Variants in POFUT3 observed in about 807,000 individuals in gnomAD.
POFUT3 encodes protein O-fucosyltransferase 3, also known as GDP-fucose protein O-fucosyltransferase 3.
the POFUT3 span, among the ~76,000 whole-genome samples, chr8:33,437,453 C>G: frequency 1.3e-5 from 2 of 151,566 alleles, no homozygotes; most frequent in African/African-American, 2.4e-5. Context: ...AAAAAAAAAC[C>G]ATATAAATGC....
the POFUT3 span, among the ~76,000 whole-genome samples, chr8:33,377,130 G>A: frequency 6.6e-6 from 1 of 152,020 alleles, no homozygotes; most frequent in Admixed American, 6.6e-5. Context: ...TACTCAGGAG[G>A]CTGAGGCAGG....
chr8:33,362,132 G>T, the POFUT3 span, among the ~76,000 whole-genome samples: 1 of 152,124 alleles, frequency 6.6e-6, no homozygotes, highest in African/African-American at 2.4e-5. Flanking sequence ...TTAAAGAAAA[G>T]AATTTTCAAC....
the POFUT3 span, chr8:33,372,811 G>A: frequency 6.2e-7 from 1 of 1,610,632 alleles, no homozygotes. Context: ...AGCCCTGCAG[G>A]AAGAGAAAAG....
At chr8:33,329,569 C>T in the POFUT3 span, among the ~76,000 whole-genome samples, 17 of 152,290 alleles carry the variant, frequency 1.1e-4, no homozygotes, top group Middle Eastern at 6.8e-3. Context: ...GAAAGTTAGA[C>T]TGATTTCCCC....
the POFUT3 span, among the ~76,000 whole-genome samples, chr8:33,331,186 C>T: frequency 7.1e-6 from 1 of 140,110 alleles, no homozygotes; most frequent in Middle Eastern, 3.8e-3. Context: ...AATAAAAATA[C>T]AAAAAATTAA....
At chr8:33,326,560 C>T in the POFUT3 span, among the ~76,000 whole-genome samples, 1 of 152,324 alleles carries the variant, frequency 6.6e-6, no homozygotes, top group African/African-American at 2.4e-5. Context: ...CTACTTCCTA[C>T]TGAGCTCAGG....
the POFUT3 span, among the ~76,000 whole-genome samples, chr8:33,400,522 G>T: frequency 3.3e-5 from 5 of 151,888 alleles, no homozygotes; most frequent in African/African-American, 1.2e-4. Flanking sequence ...GATGAAGGAA[G>T]GAATGCGGGA....
the POFUT3 span, among the ~76,000 whole-genome samples, chr8:33,396,858 C>T: frequency 6.6e-6 from 1 of 152,328 alleles, no homozygotes; most frequent in African/African-American, 2.4e-5. Flanking sequence ...ATCCTCTCCA[C>T]TGTGTTCTTG....
At chr8:33,361,155 T>C in the POFUT3 span, 3 of 152,200 alleles carry the variant, frequency 2.0e-5, no homozygotes, top group African/African-American at 7.2e-5. Flanking sequence ...GAGTAAATAT[T>C]GACTCACCCC....
At chr8:33,311,492 G>A in the POFUT3 span, among the ~76,000 whole-genome samples, 3 of 152,186 alleles carry the variant, frequency 2.0e-5, no homozygotes, top group Non-Finnish European at 4.4e-5. Flanking sequence ...AAGGGGATAT[G>A]ACCATACATC....
the POFUT3 span, among the ~76,000 whole-genome samples, chr8:33,420,934 A>G: frequency 1.8e-4 from 28 of 151,968 alleles, no homozygotes; most frequent in Non-Finnish European, 3.4e-4. Context: ...ATTTAAAAAG[A>G]GAAAATTAAA....
the POFUT3 span, among the ~76,000 whole-genome samples, chr8:33,343,920 G>A: frequency 6.6e-6 from 1 of 152,100 alleles, no homozygotes; most frequent in African/African-American, 2.4e-5. Context: ...ACATAATATG[G>A]GGTGTTAGGA....
At chr8:33,430,317 G>A in the POFUT3 span, among the ~76,000 whole-genome samples, 1 of 152,150 alleles carries the variant, frequency 6.6e-6, no homozygotes. Context: ...ATCTTTTGGT[G>A]ACTTAACCAG....
the POFUT3 span, among the ~76,000 whole-genome samples, chr8:33,318,406 T>C: frequency 6.8e-6 from 1 of 147,098 alleles, no homozygotes; most frequent in African/African-American, 2.5e-5. Context: ...GAAGGCAAGA[T>C]TTTATGCACA....
At chr8:33,454,727 C>A in the POFUT3 span, among the ~76,000 whole-genome samples, 1 of 148,132 alleles carries the variant, frequency 6.8e-6, no homozygotes, top group Non-Finnish European at 1.5e-5. Flanking sequence ...GGTGCAGTGG[C>A]GCGATCTTGG....
the POFUT3 span, among the ~76,000 whole-genome samples, chr8:33,459,196 T>C: frequency 6.6e-5 from 10 of 151,324 alleles, no homozygotes; most frequent in Non-Finnish European, 1.2e-4. Flanking sequence ...AAAAATTAGC[T>C]GGGCATGGTG....
chr8:33,382,269 G>A, the POFUT3 span, among the ~76,000 whole-genome samples: 2 of 152,130 alleles, frequency 1.3e-5, no homozygotes, highest in Non-Finnish European at 2.9e-5. Context: ...TCCAGCCTGG[G>A]TGATAGAGAC....
At chr8:33,355,971 T>G in the POFUT3 span, among the ~76,000 whole-genome samples, 1 of 152,186 alleles carries the variant, frequency 6.6e-6, no homozygotes, top group Admixed American at 6.5e-5. Context: ...GATTTCCAAT[T>G]TCATCCATGT....
chr8:33,424,280 A>C, the POFUT3 span, among the ~76,000 whole-genome samples: 2 of 152,148 alleles, frequency 1.3e-5, no homozygotes, highest in African/African-American at 4.8e-5. Context: ...TAAGGAAAAT[A>C]CTGGCCATAT....
Sources: allele counts gnomAD v4.1 joint callset (sites outside exome capture counted in the v4.1 genomes callset), GRCh38; gene constraint gnomAD v4.1.1; transcripts MANE v1.5; gene names NCBI Gene and HGNC (gene_info 2026-07-23, HGNC 2026-07-21).